PCDH17: variants seen among roughly 807,000 people sequenced by gnomAD.
The protein encoded by PCDH17 is protocadherin 17.
PCDH17 carries 21 observed loss-of-function variants against 67.7 expected under a neutral mutation model. The observed-to-expected ratio is 0.31, with a 90% CI of 0.22 to 0.45. The LOEUF (loss-of-function observed/expected upper bound fraction) is 0.45. Among genes scored for constraint, PCDH17 ranks in the 20% least tolerant of loss-of-function variants. The pLI is 1.00. For missense variants in PCDH17, 1,471 were observed against 1,564.8 expected, an observed-to-expected ratio of 0.94 and a Z score of 1.01; for synonymous variants, 701 against 656.7, an observed-to-expected ratio of 1.07 and a Z score of -1.03.
Position 57,666,476 on chromosome 13 carries a change from T to C in PCDH17, c.2574T>C (p.Asn858=), listed in dbSNP as rs1163543232. 6.2e-7 allele frequency: 1 copy of C among 1,613,632 alleles called. No individual in the cohort carries two copies. The highest frequency in any genetic ancestry group is 1.1e-5 in the South Asian group (1 of 91,074). ...TTCCTTCTCTTTCACAGACAGACAA[T>C]TTTCCCGCAGAGCCCAATTACATGG... The part of the protein sequence containing the change: ...ATRMSIIQTD[N]FPAEPNYMGS... The change falls in exon 2 of 4, where the codon AAT becomes AAC. Residue 858 remains asparagine, a synonymous_variant. Coordinates refer to ENST00000377918, the MANE Select transcript of PCDH17 (RefSeq NM_001040429.3).
In PCDH17 at chr13:57,632,515, G is replaced by T; in HGVS notation, c.-32G>T. On this transcript the variant is annotated 5_prime_UTR_variant, in exon 1 of 4. Coordinates refer to ENST00000377918, the MANE Select transcript of PCDH17 (RefSeq NM_001040429.3). ...ACTCCCTCTCTGGCTCCTCCAGTCC[G>T]ATTGCTCCTGCCCCCACCTTACAGG... is the stretch of plus-strand genomic sequence containing the variant. The T allele has an allele frequency of 6.3e-7, 1 of 1,596,828 alleles. No individual in the cohort carries two copies. Among genetic ancestry groups the T allele is most frequent in the Non-Finnish European group, 8.5e-7 (1 of 1,171,532 alleles).
intron 1 of PCDH17, 117 bp downstream of exon 1, chr13:57,635,228 A>G: frequency 9.6e-7 from 1 of 1,037,184 alleles, no homozygotes; most frequent in Non-Finnish European, 1.4e-6. Context: ...AAAAATAATT[A>G]AATGAAAACG....
chr13:57,726,076 C>T lies in PCDH17; in HGVS notation c.*782C>T, dbSNP rs939319447. 2 of 152,372 alleles carry T rather than the reference C, an allele frequency of 1.3e-5. No homozygotes were observed. Among genetic ancestry groups the T allele is most frequent in the African/African-American group, 4.8e-5 (2 of 41,378 alleles). 9.4% of individuals were successfully genotyped at this position (152,372 alleles called of 1,614,324 possible). ...AATGCCTATTTAGCATTTTAGTGTC[C>T]AACAAAGATTTAAACAATGATGAAT... is the stretch of plus-strand genomic sequence containing the variant. On this transcript the variant is annotated 3_prime_UTR_variant, in exon 4 of 4. Coordinates refer to ENST00000377918, the MANE Select transcript of PCDH17 (RefSeq NM_001040429.3).
chr13:57,655,874 A>AT (rs376367115), intron 1 of PCDH17, among the ~76,000 whole-genome samples: 1 of 151,502 alleles, frequency 6.6e-6, no homozygotes, highest in Admixed American at 6.6e-5. Context: ...ATTGTAAAAA[A>AT]ATTTTCAAGG....
rs541592147 is a variant in PCDH17, at chr13:57,676,512, A to T, written c.2797+9679A>T. ...GGCAATTACAGTTTGGCAATCAGAGAGGTCAGGAGGTATAAACTTGCAAGT... is the reference window on the plus strand; with the variant it reads ...GGCAATTACAGTTTGGCAATCAGAGTGGTCAGGAGGTATAAACTTGCAAGT... On this transcript the variant is annotated intron_variant, in intron 3 of 3. Transcript: ENST00000377918. Among the ~76,000 whole-genome samples the T allele has an allele frequency of 3.9e-5, 6 of 152,016 alleles. No homozygotes were observed. In the South Asian group the frequency reaches 1.2e-3, roughly 32 times the overall value.
intron 3 of PCDH17, among the ~76,000 whole-genome samples, chr13:57,699,794 T>C (rs532709694): frequency 1.3e-5 from 2 of 152,144 alleles, no homozygotes; most frequent in South Asian, 4.1e-4. Context: ...TCAATAAATA[T>C]ACAACTATTT....
At chr13:57,653,683 A>C (rs1489349802) in intron 1 of PCDH17, among the ~76,000 whole-genome samples, 1 of 152,140 alleles carries the variant, frequency 6.6e-6, no homozygotes. Flanking sequence ...TGCGATACAA[A>C]GGAGTAAGTT....
chr13:57,719,400 T>C (rs7996988), intron 3 of PCDH17, among the ~76,000 whole-genome samples: 8,485 of 152,124 alleles, frequency 0.056, 310 homozygotes, highest in Non-Finnish European at 0.086. Context: ...CCATGATTTA[T>C]AGATTTTGGT....
At position 57,632,483 on chromosome 13, in the gene PCDH17, G is replaced by A; in HGVS notation, c.-64G>A. 6.6e-7 allele frequency: 1 copy of A among 1,515,336 alleles called. No homozygotes were observed. The highest frequency in any genetic ancestry group is 8.9e-7 in the Non-Finnish European group (1 of 1,123,462). 93.9% of individuals were successfully genotyped at this position (1,515,336 alleles called of 1,614,324 possible). On this transcript the variant is annotated 5_prime_UTR_variant, in exon 1 of 4. Coordinates refer to ENST00000377918, the MANE Select transcript of PCDH17 (RefSeq NM_001040429.3). ...GCACGCTGCGCCAGGGCCCCAGGCT[G>A]GCGCGCACTCCCTCTCTGGCTCCTC...
chr13:57,651,655 C>T (rs1955041174), intron 1 of PCDH17, among the ~76,000 whole-genome samples: 1 of 151,964 alleles, frequency 6.6e-6, no homozygotes, highest in Non-Finnish European at 1.5e-5. Flanking sequence ...TTGAAAATTC[C>T]TGACTTAAAA....
chr13:57,720,355 CT>C (rs1484361315), intron 3 of PCDH17, among the ~76,000 whole-genome samples: 5 of 151,772 alleles, frequency 3.3e-5, no homozygotes, highest in African/African-American at 4.8e-5. Context: ...TGCACCCAGG[CT>C]TGTGGCAAAG....
At chr13:57,704,393 A>G (rs7338138) in intron 3 of PCDH17, among the ~76,000 whole-genome samples, 133,057 of 151,974 alleles carry the variant, frequency 0.88, 58,601 homozygotes, top group East Asian at 1. Flanking sequence ...AAAGTCTATC[A>G]AGCGTTTTTC....
chr13:57,659,878 G>C (rs923645946), intron 1 of PCDH17, among the ~76,000 whole-genome samples: 8 of 152,066 alleles, frequency 5.3e-5, no homozygotes, highest in Admixed American at 5.2e-4. Flanking sequence ...TTTATGTAAA[G>C]TATTTATTTT....
intron 3 of PCDH17, among the ~76,000 whole-genome samples, chr13:57,692,809 G>A (rs61961894): frequency 0.053 from 7,956 of 150,894 alleles, 263 homozygotes; most frequent in Middle Eastern, 0.096. Context: ...CATTTTAAAT[G>A]CTACCATTTT....
intron 3 of PCDH17, among the ~76,000 whole-genome samples, chr13:57,692,881 T>A (rs1057416712): frequency 5.3e-5 from 8 of 151,174 alleles, no homozygotes; most frequent in African/African-American, 1.9e-4. Context: ...GTGAAACATA[T>A]CATAAAACCT....
At chr13:57,689,355 A>T (rs1955536066) in intron 3 of PCDH17, among the ~76,000 whole-genome samples, 1 of 152,020 alleles carries the variant, frequency 6.6e-6, no homozygotes, top group Non-Finnish European at 1.5e-5. Context: ...CACAAAGTCC[A>T]GCATGGCTGA....
At chr13:57,711,672 T>TTTTG (rs1386043303) in intron 3 of PCDH17, among the ~76,000 whole-genome samples, 28 of 151,752 alleles carry the variant, frequency 1.8e-4, no homozygotes, top group Non-Finnish European at 4.0e-4. Flanking sequence ...CAATTTAGAA[T>TTTTG]ACAATTGTTG....
At chr13:57,672,983 C>A (rs1471845866) in intron 3 of PCDH17, among the ~76,000 whole-genome samples, 4 of 151,974 alleles carry the variant, frequency 2.6e-5, no homozygotes, top group Non-Finnish European at 5.9e-5. Flanking sequence ...TTTTCCAGAG[C>A]TTATATAACC....
intron 1 of PCDH17, among the ~76,000 whole-genome samples, chr13:57,644,166 C>T (rs1366469394): frequency 6.6e-6 from 1 of 151,554 alleles, no homozygotes; most frequent in East Asian, 1.9e-4. Context: ...AGGTTCCAAC[C>T]TTCTTAGGAA....
Sources: allele counts gnomAD v4.1 joint callset (sites outside exome capture counted in the v4.1 genomes callset), GRCh38; gene constraint gnomAD v4.1.1; transcripts MANE v1.5; gene names NCBI Gene and HGNC (gene_info 2026-07-23, HGNC 2026-07-21).